The following EPC2 variants were observed in gnomAD, a reference collection of about 807,000 sequenced individuals.
EPC2 encodes the protein enhancer of polycomb homolog 2.
Under a neutral mutation model 92.1 loss-of-function variants are expected in EPC2, and 14 were observed. The ratio of observed to expected loss-of-function variants is 0.15; its 90% CI spans 0.10 to 0.24. The LOEUF (loss-of-function observed/expected upper bound fraction) is 0.24. EPC2 is among the 10% of genes least tolerant of loss of function. The pLI, the probability that EPC2 is intolerant of heterozygous loss-of-function variation, is 1.00. For synonymous variants in EPC2, 340 were observed against 334.7 expected (o/e 1.02, Z -0.17); for missense variants, 755 against 971.5 (o/e 0.78, Z 2.96).
chr2:148,725,368 C>T (rs529867657), intron 2 of EPC2, among the ~76,000 whole-genome samples: 1 of 151,848 alleles, frequency 6.6e-6, no homozygotes, highest in South Asian at 2.1e-4. Context: ...TCTGTCACTT[C>T]TCTCTCTGTC....
intron 1 of EPC2, among the ~76,000 whole-genome samples, chr2:148,687,347 C>G (rs1347146161): frequency 6.6e-6 from 1 of 152,212 alleles, no homozygotes; most frequent in Non-Finnish European, 1.5e-5. Context: ...CTGAAACTTT[C>G]TCTGTCTCAC....
At chr2:148,721,960 GT>G (rs1186939307) in intron 2 of EPC2, among the ~76,000 whole-genome samples, 2 of 81,528 alleles carry the variant, frequency 2.5e-5, no homozygotes, top group African/African-American at 4.6e-5. Flanking sequence ...CATGTTGTCT[GT>G]TTTTTCCATT....
At chr2:148,757,493 A>C (rs1029256286) in intron 4 of EPC2, among the ~76,000 whole-genome samples, 1 of 152,190 alleles carries the variant, frequency 6.6e-6, no homozygotes. Flanking sequence ...CTCTAGAAGC[A>C]GTGACACCCA....
intron 13 of EPC2, among the ~76,000 whole-genome samples, chr2:148,785,334 C>T (rs1200493649): frequency 8.6e-5 from 13 of 151,950 alleles, no homozygotes; most frequent in South Asian, 4.2e-4. Context: ...CCCCACTGCC[C>T]GCCCCACCCC....
chr2:148,690,876 C>A (rs756775134), intron 2 of EPC2, among the ~76,000 whole-genome samples: 3 of 152,022 alleles, frequency 2.0e-5, no homozygotes, highest in Non-Finnish European at 4.4e-5. Flanking sequence ...TTGGCCAGGC[C>A]GGTCTCAAAC....
chr2:148,650,537 T>C (rs536333431), intron 1 of EPC2, among the ~76,000 whole-genome samples: 4 of 152,214 alleles, frequency 2.6e-5, no homozygotes, highest in East Asian at 3.9e-4. Context: ...AATGTACCAG[T>C]CTACATGAAT....
chr2:148,661,987 C>G (rs1300407613), intron 1 of EPC2, among the ~76,000 whole-genome samples: 1 of 151,954 alleles, frequency 6.6e-6, no homozygotes, highest in East Asian at 1.9e-4. Context: ...AAAAACAACC[C>G]CATCAAAAAG....
Position 148,783,635 on chromosome 2 carries a change from C to T in EPC2, c.1896C>T (p.Asp632=), listed in dbSNP as rs376741754. ...STSDCMSKTL[D]SASAHFAASA... Reference sequence around the variant, plus strand: ...CTGACTGTATGTCTAAAACACTTGACTCAGCCAGCGCCCACTTTGCTGCAT... The same window carrying T: ...CTGACTGTATGTCTAAAACACTTGATTCAGCCAGCGCCCACTTTGCTGCAT... Residue 632 remains aspartate, a synonymous_variant, in exon 12 of 14, where the codon GAC becomes GAT. Transcript: ENST00000258484. 2 of 1,607,808 alleles carry T rather than the reference C, an allele frequency of 1.2e-6. No homozygotes were observed. Among genetic ancestry groups the T allele is most frequent in the Non-Finnish European group, 1.7e-6 (2 of 1,176,898 alleles).
At chr2:148,710,984 CT>C (rs1682129607) in intron 2 of EPC2, among the ~76,000 whole-genome samples, 1 of 152,106 alleles carries the variant, frequency 6.6e-6, no homozygotes, top group Non-Finnish European at 1.5e-5. Context: ...CATTCAGTCT[CT>C]CTTTTTGTTT....
chr2:148,775,435 T>G (rs1184777557), intron 10 of EPC2, among the ~76,000 whole-genome samples: 3 of 151,988 alleles, frequency 2.0e-5, no homozygotes, highest in Non-Finnish European at 4.4e-5. Context: ...TATCTAAAAG[T>G]GCTTTGCTTT....
intron 2 of EPC2, among the ~76,000 whole-genome samples, chr2:148,725,645 A>G (rs1682479382): frequency 6.6e-6 from 1 of 152,106 alleles, no homozygotes; most frequent in African/African-American, 2.4e-5. Flanking sequence ...CATTGCCTTT[A>G]CTTACCATGT....
rs777044311 is a variant in EPC2 at position 148,744,706 on chromosome 2, A to T, written c.459+939A>T. Among the ~76,000 whole-genome samples, 5 of 152,222 alleles carry T rather than the reference A, an allele frequency of 3.3e-5. No individual in the cohort carries two copies. The South Asian group carries it at 1.0e-3, about 32-fold the overall frequency. On this transcript the variant is annotated intron_variant, in intron 3 of 13. Coordinates refer to ENST00000258484, the MANE Select transcript of EPC2 (RefSeq NM_015630.4). ...ATGTTTTCCAAATTTATCATGAGCT[A>T]TGTGTTGATACTATAATTAGATTTT... is the stretch of plus-strand genomic sequence containing the variant.
chr2:148,681,031 G>C (rs1681383109), intron 1 of EPC2, among the ~76,000 whole-genome samples: 1 of 152,300 alleles, frequency 6.6e-6, no homozygotes, highest in African/African-American at 2.4e-5. Flanking sequence ...TCCTGTAGAT[G>C]GTGGGCAACT....
At chr2:148,650,942 G>T (rs138200661) in intron 1 of EPC2, among the ~76,000 whole-genome samples, 115 of 152,284 alleles carry the variant, frequency 7.6e-4, no homozygotes, top group Non-Finnish European at 1.5e-3. Context: ...AAAAGAAGAT[G>T]CAGACTTCAA....
intron 1 of EPC2, among the ~76,000 whole-genome samples, chr2:148,657,370 G>C (rs1055735040): frequency 6.6e-6 from 1 of 152,018 alleles, no homozygotes; most frequent in African/African-American, 2.4e-5. Flanking sequence ...ATTCATCAAG[G>C]CTTTCAAAAT....
intron 2 of EPC2, among the ~76,000 whole-genome samples, chr2:148,710,955 G>A (rs1682127750): frequency 6.6e-6 from 1 of 152,046 alleles, no homozygotes; most frequent in Non-Finnish European, 1.5e-5. Flanking sequence ...CTCCCCCACG[G>A]ATATCCTCCA....
intron 7 of EPC2, among the ~76,000 whole-genome samples, chr2:148,765,398 G>T (rs1404148130): frequency 6.6e-6 from 1 of 152,022 alleles, no homozygotes; most frequent in Non-Finnish European, 1.5e-5. Context: ...AATGAACATA[G>T]ATTTTTTCCC....
At chr2:148,695,434 A>T (rs532975951) in intron 2 of EPC2, among the ~76,000 whole-genome samples, 9 of 152,240 alleles carry the variant, frequency 5.9e-5, no homozygotes, top group Non-Finnish European at 1.0e-4. Flanking sequence ...CCTCAGACTG[A>T]TAAAGCTGAC....
At chr2:148,659,820 GACATTA>G (rs146008638) in intron 1 of EPC2, among the ~76,000 whole-genome samples, 5,783 of 152,208 alleles carry the variant, frequency 0.038, 144 homozygotes, top group Middle Eastern at 0.054. Flanking sequence ...TTACTGTTAG[GACATTA>G]ACACAGCACA....
Sources: allele counts gnomAD v4.1 joint callset (sites outside exome capture counted in the v4.1 genomes callset), GRCh38; gene constraint gnomAD v4.1.1; transcripts MANE v1.5; gene names NCBI Gene and HGNC (gene_info 2026-07-23, HGNC 2026-07-21).